The following CLSTN2 variants were observed in gnomAD, a reference collection of about 807,000 sequenced individuals.
The protein encoded by CLSTN2 is calsyntenin 2.
Under a neutral mutation model 101.2 loss-of-function variants are expected in CLSTN2, and 48 were observed. The ratio of observed to expected loss-of-function variants is 0.47; its 90% CI spans 0.38 to 0.60. The LOEUF (loss-of-function observed/expected upper bound fraction) is 0.60, where lower values mean the gene tolerates loss of function less well. CLSTN2 is among the 20% of genes least tolerant of loss of function. The pLI, the probability that CLSTN2 is intolerant of heterozygous loss-of-function variation, is 0.00. For synonymous variants in CLSTN2, 481 were observed against 463.6 expected, an observed-to-expected ratio of 1.04 and a Z score of -0.48; for missense variants, 1,160 against 1,238.2, an observed-to-expected ratio of 0.94 and a Z score of 0.95.
intron 8 of CLSTN2, among the ~76,000 whole-genome samples, chr3:140,472,971 G>A (rs1295346110): frequency 6.6e-6 from 1 of 152,174 alleles, no homozygotes; most frequent in Non-Finnish European, 1.5e-5. Context: ...GACATTTGGA[G>A]AGAGTTGGCT....
chr3:140,070,293 A>G (rs572239646), intron 1 of CLSTN2, among the ~76,000 whole-genome samples: 1 of 152,326 alleles, frequency 6.6e-6, no homozygotes, highest in South Asian at 2.1e-4. Context: ...ATACTTTTTC[A>G]CAAATGTTGC....
rs747473162 is a variant in CLSTN2 at position 140,546,673 on chromosome 3, G to A, written c.1666G>A (p.Gly556Arg). The change falls in exon 10 of 17, where the codon GGA becomes AGA. Residue 556 changes from glycine (G) to arginine (R), a missense_variant. Coordinates refer to ENST00000458420, the MANE Select transcript of CLSTN2 (RefSeq NM_022131.3). ...TAATTCCTTGGAAAGCCTTGGCCAA[G>A]GAATAAAGGTAAGGCAGGAGCTGGC... ...DINSLESLGQ[G>R]IKYHFNPSQS... 1.2e-6 allele frequency: 2 copies of A among 1,611,878 alleles called. No homozygotes were observed. The highest frequency in any genetic ancestry group is 1.7e-6 in the Non-Finnish European group (2 of 1,179,354).
At chr3:140,450,520 C>T (rs927989785) in intron 6 of CLSTN2, among the ~76,000 whole-genome samples, 1 of 152,204 alleles carries the variant, frequency 6.6e-6, no homozygotes, top group Non-Finnish European at 1.5e-5. Flanking sequence ...GGAACTCACA[C>T]TGGACTCTCC....
At chr3:140,324,141 C>A (rs771988497) in intron 2 of CLSTN2, among the ~76,000 whole-genome samples, 2 of 152,182 alleles carry the variant, frequency 1.3e-5, no homozygotes, top group African/African-American at 2.4e-5. Flanking sequence ...GTACTGTGGG[C>A]ACCTTAAACC....
intron 1 of CLSTN2, among the ~76,000 whole-genome samples, chr3:140,118,833 G>C (rs2009290394): frequency 1.3e-5 from 2 of 152,112 alleles, no homozygotes; most frequent in Admixed American, 6.5e-5. Context: ...GAATAGAAAG[G>C]GGCTCCCCAA....
At chr3:140,558,983 G>A (rs531290551) in intron 12 of CLSTN2, 126 bp downstream of exon 12, 18 of 695,638 alleles carry the variant, frequency 2.6e-5, no homozygotes, top group East Asian at 8.2e-5. Context: ...ACATGGCAGC[G>A]TAATGTATTA....
At chr3:140,038,400 T>C (rs1216864422) in intron 1 of CLSTN2, among the ~76,000 whole-genome samples, 3 of 152,180 alleles carry the variant, frequency 2.0e-5, no homozygotes, top group South Asian at 4.1e-4. Context: ...GTGGTTTTTT[T>C]CTTGTAAATT....
rs1935000904 is a variant in CLSTN2, at chr3:139,935,366, G to A, written c.-9G>A. 8.2e-7 allele frequency: 1 copy of A among 1,224,256 alleles called. No homozygotes were observed. Among genetic ancestry groups the A allele is most frequent in the East Asian group, 3.2e-5 (1 of 31,454 alleles). 75.8% of individuals were successfully genotyped at this position (1,224,256 alleles called of 1,614,324 possible). On this transcript the variant is annotated 5_prime_UTR_variant, in exon 1 of 17. Transcript: ENST00000458420. This position sits in a 1 kb window ranked among gnomAD's most constrained non-coding sequence, Gnocchi z 5.5. ...CGGCGGCTGCAGCTCGTTGGCGGCT[G>A]CTGCGAGGATGCTGCCTGGGCGGCT...
At chr3:140,463,950 T>A (rs1032278410) in intron 7 of CLSTN2, among the ~76,000 whole-genome samples, 1 of 152,160 alleles carries the variant, frequency 6.6e-6, no homozygotes, top group Non-Finnish European at 1.5e-5. Context: ...ATCTTTCGCA[T>A]GAGGAATTTG....
At chr3:139,987,030 T>C (rs932997141) in intron 1 of CLSTN2, among the ~76,000 whole-genome samples, 1 of 131,068 alleles carries the variant, frequency 7.6e-6, no homozygotes, top group African/African-American at 2.5e-5. Context: ...CTTGATGCTG[T>C]TAAAAAAAAA....
chr3:139,968,656 G>A (rs1275311425), intron 1 of CLSTN2, among the ~76,000 whole-genome samples: 2 of 152,122 alleles, frequency 1.3e-5, no homozygotes, highest in African/African-American at 4.8e-5. Flanking sequence ...CCCAGTTTGT[G>A]GTATTCTGTT....
At chr3:140,347,669 G>A (rs960336421) in intron 2 of CLSTN2, among the ~76,000 whole-genome samples, 5 of 152,092 alleles carry the variant, frequency 3.3e-5, no homozygotes, top group African/African-American at 1.2e-4. Context: ...TCACTCTCAG[G>A]AATTATTGTT....
chr3:140,546,797 ACAAG>A, intron 10 of CLSTN2, 116 bp downstream of exon 10: 1 of 1,027,654 alleles, frequency 9.7e-7, no homozygotes, highest in Admixed American at 3.0e-5. Context: ...AGAAATGGCA[ACAAG>A]GCAAAGGTGC....
intron 2 of CLSTN2, among the ~76,000 whole-genome samples, chr3:140,184,088 A>T (rs2107832996): frequency 6.6e-6 from 1 of 152,280 alleles, no homozygotes; most frequent in South Asian, 2.1e-4. Context: ...ACCGGCTGTT[A>T]ATGAGTAGGC....
intron 6 of CLSTN2, among the ~76,000 whole-genome samples, chr3:140,451,675 T>C (rs1933255890): frequency 6.6e-6 from 1 of 152,140 alleles, no homozygotes; most frequent in Non-Finnish European, 1.5e-5. Flanking sequence ...TCTCTCCAAC[T>C]ATAAGGGAAA....
intron 1 of CLSTN2, among the ~76,000 whole-genome samples, chr3:140,025,430 A>G (rs1205845438): frequency 6.6e-6 from 1 of 152,176 alleles, no homozygotes; most frequent in Non-Finnish European, 1.5e-5. Context: ...ACCTTCCACA[A>G]GTTGCTCATC....
At chr3:140,116,533 G>C (rs756763245) in intron 1 of CLSTN2, among the ~76,000 whole-genome samples, 2 of 152,124 alleles carry the variant, frequency 1.3e-5, no homozygotes, top group Non-Finnish European at 2.9e-5. Flanking sequence ...GGTGGGGTCA[G>C]TGAGGCTCCT....
rs1374505788 is a variant in CLSTN2, at chr3:140,569,560, C to T, written c.*3307C>T. 2 of 152,234 alleles carry T rather than the reference C, an allele frequency of 1.3e-5. No individual in the cohort carries two copies. The highest frequency in any genetic ancestry group is 4.8e-5 in the African/African-American group (2 of 41,468). 9.4% of individuals were successfully genotyped at this position (152,234 alleles called of 1,614,324 possible). On this transcript the variant is annotated 3_prime_UTR_variant, in exon 17 of 17. Transcript: ENST00000458420. ...AGTTGGTAGCCTGCCTTAAAAAATA[C>T]TAAACATATATCATCATACATTTGA...
At chr3:140,310,057 C>T (rs2087151246) in intron 2 of CLSTN2, among the ~76,000 whole-genome samples, 2 of 152,042 alleles carry the variant, frequency 1.3e-5, no homozygotes, top group South Asian at 4.2e-4. Context: ...CTCTGGTTTC[C>T]CTTTCCTGCT....
Sources: gnomAD v4.1 joint callset for allele counts (sites outside exome capture counted in the v4.1 genomes callset) on GRCh38, gnomAD v4.1.1 for gene constraint, Gnocchi (gnomAD v3.1) non-coding constraint, MANE v1.5 for transcripts, NCBI Gene and HGNC (gene_info 2026-07-23, HGNC 2026-07-21) for gene names.